SRRM2: variants seen among roughly 807,000 people sequenced by gnomAD.
SRRM2 encodes the protein serine/arginine repetitive matrix protein 2.
SRRM2 carries 30 observed loss-of-function variants against 213.8 expected under a neutral mutation model. That is an observed-to-expected ratio of 0.14 (90% CI 0.10 to 0.19). The LOEUF (loss-of-function observed/expected upper bound fraction) is 0.19. Among genes scored for constraint, SRRM2 ranks in the 10% least tolerant of loss-of-function variants. SRRM2 has a pLI of 1.00. For missense variants in SRRM2, 4,904 were observed against 3,647.0 expected, an observed-to-expected ratio of 1.34 and a Z score of -8.88; for synonymous variants, 2,025 against 1,377.7, an observed-to-expected ratio of 1.47 and a Z score of -10.40.
intron 5 of SRRM2, 170 bp downstream of exon 5, chr16:2,758,717 G>A (rs557943971): frequency 1.8e-4 from 122 of 688,956 alleles, no homozygotes; most frequent in Non-Finnish European, 2.7e-4. Flanking sequence ...TCTCAGTGGG[G>A]AAGTGTTGAG....
In SRRM2 at chr16:2,764,918, C is replaced by T. The variant is rs770200642; in HGVS notation, c.4390C>T (p.Pro1464Ser). The T allele has an allele frequency of 3.1e-6, 5 of 1,614,122 alleles. No homozygotes were observed. In the African/African-American group the frequency reaches 4.0e-5, roughly 13 times the overall value. ...GAGGCACAGCCTGTCTGGGTCCTCT[C>T]CTGGAATGAAAGATATACCTAGAAC... is the stretch of plus-strand genomic sequence containing the variant. Reference protein sequence around the residue: ...PSRHSLSGSSPGMKDIPRTPS... With the variant: ...PSRHSLSGSSSGMKDIPRTPS... The change falls in exon 11 of 15, where the codon CCT (proline) becomes TCT (serine). Residue 1464 changes from proline to serine, a missense_variant. Physicochemically the swap from Pro to Ser is moderately conservative, Grantham distance 74. Transcript: ENST00000301740.
rs753798393 is a variant in SRRM2 at position 2,769,006 on chromosome 16, C to T, written c.7743C>T (p.Ser2581=). 1 of 1,613,458 alleles carries T rather than the reference C, an allele frequency of 6.2e-7. No individual in the cohort carries two copies. The highest frequency in any genetic ancestry group is 2.2e-5 in the East Asian group (1 of 44,870). Residue 2581 remains serine, a synonymous_variant, in exon 12 of 15, where the codon AGC becomes AGT. Transcript: ENST00000301740. ...QPEVALKRVP[S]PTPAPKEAVR... ...TCCTCTCCTCCCACAGGGTCCCCAG[C>T]CCCACCCCAGCCCCAAAGGAGGCTG...
chr16:2,755,560 C>T (rs1314191888), intron 1 of SRRM2, among the ~76,000 whole-genome samples: 9 of 151,910 alleles, frequency 5.9e-5, no homozygotes, highest in Non-Finnish European at 1.2e-4. Flanking sequence ...GTTGTAAATC[C>T]TATTGAGAGG....
intron 4 of SRRM2, 136 bp downstream of exon 4, chr16:2,758,081 A>T (rs751192795): frequency 4.2e-5 from 47 of 1,118,990 alleles, no homozygotes; most frequent in Non-Finnish European, 5.7e-5. Flanking sequence ...TGTCCAAAAA[A>T]ATGTGTCCAA....
intron 1 of SRRM2, among the ~76,000 whole-genome samples, chr16:2,753,879 T>A (rs1029805740): frequency 6.6e-6 from 1 of 152,296 alleles, no homozygotes; most frequent in East Asian, 1.9e-4. Context: ...ATGTCCATTT[T>A]TTTCGACAAC....
chr16:2,753,882 T>C (rs567951413), intron 1 of SRRM2, among the ~76,000 whole-genome samples: 1 of 152,324 alleles, frequency 6.6e-6, no homozygotes, highest in South Asian at 2.1e-4. Flanking sequence ...TCCATTTTTT[T>C]CGACAACCCT....
chr16:2,758,232 G>A (rs1244134401), intron 4 of SRRM2, among the ~76,000 whole-genome samples: 1 of 152,206 alleles, frequency 6.6e-6, no homozygotes, highest in African/African-American at 2.4e-5. Flanking sequence ...AAGCTGGTTG[G>A]TGGCACATGC....
Position 2,766,533 on chromosome 16 carries a change from C to G in SRRM2, c.6005C>G (p.Thr2002Ser), listed in dbSNP as rs750243171. 32 of 1,613,844 alleles carry G rather than the reference C, an allele frequency of 2.0e-5. No individual in the cohort carries two copies. The Admixed American group carries it at 5.2e-4, about 26-fold the overall frequency. The stretch of plus-strand genomic sequence containing the variant: ...TCTCGATCTCGCACATCTCCAGTAA[C>G]TCGAAGAAGGTCCCGCTCTCGAACC... Reference protein sequence around the residue: ...RRSRSRTSPVTRRRSRSRTSP... With the variant: ...RRSRSRTSPVSRRRSRSRTSP... The change falls in exon 11 of 15, where the codon ACT (threonine) becomes AGT (serine). Residue 2002 changes from threonine (T) to serine (S), a missense_variant. Thr to Ser is a moderately conservative substitution (Grantham distance 58, BLOSUM62 1). Transcript: ENST00000301740. This position sits in a 1 kb window ranked among gnomAD's most constrained non-coding sequence, Gnocchi z 7.0.
Position 2,768,187 on chromosome 16 carries a change from C to T in SRRM2, c.7659C>T (p.Ser2553=), listed in dbSNP as rs1485950655. ...SSSSSSSSSS[S]SSSGSSSSDS... is the part of the protein sequence containing the mutation. ...CTTCATCATCGTCGTCGTCGTCCTC[C>T]TCCTCCTCTGGCTCCAGTTCTAGTG... The change falls in exon 11 of 15, where the codon TCC becomes TCT. Residue 2553 remains serine, a synonymous_variant. Coordinates refer to ENST00000301740, the MANE Select transcript of SRRM2 (RefSeq NM_016333.4). 5.0e-6 allele frequency: 8 copies of T among 1,610,662 alleles called. No homozygotes were observed. Among genetic ancestry groups the T allele is most frequent in the East Asian group, 2.2e-5 (1 of 44,872 alleles).
chr16:2,756,194 G>C, intron 1 of SRRM2, 140 bp from the exon 2 acceptor site: 1 of 852,516 alleles, frequency 1.2e-6, no homozygotes, highest in Admixed American at 3.1e-5. Flanking sequence ...CAGGAGGATG[G>C]TGGAGCATTA....
Position 2,761,953 on chromosome 16 carries a change from T to C in SRRM2, c.1425T>C (p.His475=). Residue 475 remains histidine (H), a synonymous_variant, in exon 11 of 15, where the codon CAT becomes CAC. Coordinates refer to ENST00000301740, the MANE Select transcript of SRRM2 (RefSeq NM_016333.4). ...CAAAACGGGATAAATCACATTCTCATACCCCCTCCCGTAGGATGGGGAGGT... is the reference window on the plus strand; with the variant it reads ...CAAAACGGGATAAATCACATTCTCACACCCCCTCCCGTAGGATGGGGAGGT... ...GRAKRDKSHS[H]TPSRRMGRSR... The C allele has an allele frequency of 1.2e-6, 2 of 1,613,904 alleles. No homozygotes were observed. Among genetic ancestry groups the C allele is most frequent in the Non-Finnish European group, 1.7e-6 (2 of 1,179,990 alleles).
intron 1 of SRRM2, among the ~76,000 whole-genome samples, chr16:2,755,226 T>C (rs1221760503): frequency 1.3e-5 from 2 of 152,192 alleles, no homozygotes; most frequent in Non-Finnish European, 2.9e-5. Flanking sequence ...CTTGAGAATT[T>C]TTCAGAATCA....
intron 3 of SRRM2, 37 bp downstream of exon 3, chr16:2,757,616 T>G (rs775576940): frequency 8.2e-6 from 13 of 1,592,806 alleles, no homozygotes; most frequent in East Asian, 4.5e-5. Flanking sequence ...CTCTGGACTC[T>G]ACTCTGGCTG....
Position 2,764,153 on chromosome 16 carries a change from C to G in SRRM2, c.3625C>G (p.Pro1209Ala), listed in dbSNP as rs749074086. 10 of 1,614,150 alleles carry G rather than the reference C, an allele frequency of 6.2e-6. No individual in the cohort carries two copies. The highest frequency in any genetic ancestry group is 8.5e-6 in the Non-Finnish European group (10 of 1,180,036). ...SLVFKDTLRTPPRERSGAGSS... is the reference protein window; with the variant it reads ...SLVFKDTLRTAPRERSGAGSS... The stretch of plus-strand genomic sequence containing the variant: ...GGTATTCAAAGACACACTTAGAACC[C>G]CGCCAAGGGAAAGAAGTGGTGCTGG... Residue 1209 changes from proline to alanine, a missense_variant, in exon 11 of 15, where the codon CCG becomes GCG. Coordinates refer to ENST00000301740, the MANE Select transcript of SRRM2 (RefSeq NM_016333.4).
At chr16:2,754,523 C>G (rs923129335) in intron 1 of SRRM2, among the ~76,000 whole-genome samples, 1 of 152,190 alleles carries the variant, frequency 6.6e-6, no homozygotes, top group African/African-American at 2.4e-5. Flanking sequence ...ATCTCCTGAT[C>G]TGGTGATCCG....
At position 2,752,845 on chromosome 16, in the gene SRRM2, G is replaced by C. The variant is rs1434393634; in HGVS notation, c.-33G>C. 3 of 267,922 alleles carry C rather than the reference G, an allele frequency of 1.1e-5. No individual in the cohort carries two copies. Among genetic ancestry groups the C allele is most frequent in the Admixed American group, 1.1e-4 (2 of 18,780 alleles). The allele number at this position is 267,922 out of a possible 1,614,324, so 16.6% of individuals were successfully genotyped here. A position where few individuals can be genotyped will look rare whatever the true frequency, so the allele number is the denominator to read the frequency against. ...CTCGGAGGCGGCGGGCGGAGGCGGCGGGTGAGAGGGTGAGGGAGCCAGCGA... is the reference window on the plus strand; with the variant it reads ...CTCGGAGGCGGCGGGCGGAGGCGGCCGGTGAGAGGGTGAGGGAGCCAGCGA... On this transcript the variant is annotated splice_region_variant and 5_prime_UTR_variant, in exon 1 of 15. Transcript: ENST00000301740.
Position 2,771,378 on chromosome 16 carries a change from CTT to C in SRRM2, c.*515_*516del. 1 of 1,606,476 alleles carries C rather than the reference CTT, an allele frequency of 6.2e-7. No homozygotes were observed. The highest frequency in any genetic ancestry group is 8.5e-7 in the Non-Finnish European group (1 of 1,173,732). ...TTTAAAATCTGTACAGCAAGAGCAA[CTT>C]TTTCTGTCAAATAAAAATGAGAAAT... is the stretch of plus-strand genomic sequence containing the variant. On this transcript the variant is annotated 3_prime_UTR_variant, in exon 15 of 15. Coordinates refer to ENST00000301740, the MANE Select transcript of SRRM2 (RefSeq NM_016333.4).
chr16:2,764,739 C>T lies in SRRM2; in HGVS notation c.4211C>T (p.Ser1404Leu). 1.9e-6 allele frequency: 3 copies of T among 1,614,144 alleles called. No individual in the cohort carries two copies. ...ATGTCTTCAAATCAGAGCATCTCTT[C>T]ACCTGTGCTTGATGCTGTACCCAGA... ...AGMSSNQSIS[S>L]PVLDAVPRTP... The change falls in exon 11 of 15, where the codon TCA becomes TTA. Residue 1404 changes from serine to leucine, a missense_variant. Physicochemically the swap from Ser to Leu is moderately radical, Grantham distance 145 (BLOSUM62 -2). Transcript: ENST00000301740.
In SRRM2 at chr16:2,757,328, C is replaced by T. The variant is rs902802316; in HGVS notation, c.243-144C>T. On this transcript the variant is annotated intron_variant, in intron 2 of 14. Coordinates refer to ENST00000301740, the MANE Select transcript of SRRM2 (RefSeq NM_016333.4). The stretch of plus-strand genomic sequence containing the variant: ...GGGAAGAAAGATGATGGGAAAAGAT[C>T]AGACAGAAGGGACTTTTGGGTGAGC... 8 of 634,088 alleles carry T rather than the reference C, an allele frequency of 1.3e-5. No homozygotes were observed. The African/African-American group carries it at 1.3e-4, about 10-fold the overall frequency. The allele number at this position is 634,088 out of a possible 1,614,324, so 39.3% of individuals were successfully genotyped here.
Sources: gnomAD v4.1 joint callset for allele counts (sites outside exome capture counted in the v4.1 genomes callset) on GRCh38, gnomAD v4.1.1 for gene constraint, Gnocchi (gnomAD v3.1) non-coding constraint, MANE v1.5 for transcripts, NCBI Gene and HGNC (gene_info 2026-07-23, HGNC 2026-07-21) for gene names.